PRDM2: variants seen among roughly 807,000 people sequenced by gnomAD.
PRDM2 encodes PR/SET domain 2.
Under a neutral mutation model 130.0 loss-of-function variants are expected in PRDM2, and 30 were observed. That is an observed-to-expected ratio of 0.23 (90% CI 0.17 to 0.31). PRDM2 has a LOEUF of 0.31. PRDM2 is among the 10% of genes least tolerant of loss of function. PRDM2 has a pLI of 1.00. For synonymous variants in PRDM2, 871 were observed against 782.4 expected, an observed-to-expected ratio of 1.11 and a Z score of -1.89; for missense variants, 2,011 against 2,108.4, an observed-to-expected ratio of 0.95 and a Z score of 0.90.
intron 8 of PRDM2, among the ~76,000 whole-genome samples, chr1:13,800,809 C>T (rs915523144): frequency 6.6e-6 from 1 of 152,178 alleles, no homozygotes; most frequent in South Asian, 2.1e-4. Flanking sequence ...GGGGGGGTCT[C>T]CTCTCATAAG....
At chr1:13,703,257 C>T (rs898440102) in intron 1 of PRDM2, among the ~76,000 whole-genome samples, 4 of 152,206 alleles carry the variant, frequency 2.6e-5, no homozygotes, top group African/African-American at 9.6e-5. Context: ...TTGTGGAGGA[C>T]GATCCTGTAC....
chr1:13,770,722 C>T (rs1644341359), intron 6 of PRDM2, among the ~76,000 whole-genome samples: 1 of 152,108 alleles, frequency 6.6e-6, no homozygotes, highest in Non-Finnish European at 1.5e-5. Flanking sequence ...AGGCCACATT[C>T]CTTGGCCTGT....
intron 6 of PRDM2, among the ~76,000 whole-genome samples, chr1:13,770,092 A>T (rs1569953559): frequency 6.6e-6 from 1 of 152,084 alleles, no homozygotes; most frequent in Non-Finnish European, 1.5e-5. Flanking sequence ...CTGTGGCGGG[A>T]TCCCCTCCTT....
intron 5 of PRDM2, among the ~76,000 whole-genome samples, chr1:13,748,433 C>G (rs547185558): frequency 1.3e-5 from 2 of 152,096 alleles, no homozygotes; most frequent in Admixed American, 6.5e-5. Flanking sequence ...TTGTTCATTC[C>G]TTCCTTTCTT....
chr1:13,795,483 G>A (rs550095772), intron 8 of PRDM2, among the ~76,000 whole-genome samples: 3 of 152,310 alleles, frequency 2.0e-5, no homozygotes, highest in Admixed American at 6.5e-5. Context: ...GGATCTAGGC[G>A]TGAGGAGGTA....
chr1:13,714,682 A>G (rs770490352), intron 1 of PRDM2, among the ~76,000 whole-genome samples: 4 of 152,250 alleles, frequency 2.6e-5, no homozygotes, highest in Non-Finnish European at 5.9e-5. Flanking sequence ...CAATGTAAGC[A>G]GAGGCTTGTG....
intron 8 of PRDM2, among the ~76,000 whole-genome samples, chr1:13,792,715 T>C (rs1644859489): frequency 6.6e-6 from 1 of 152,140 alleles, no homozygotes; most frequent in African/African-American, 2.4e-5. Flanking sequence ...CTGGGACTCT[T>C]AGAGGACCCT....
rs145695645 is a variant in PRDM2 at position 13,780,416 on chromosome 1, C to T, written c.2621C>T (p.Thr874Met). 8.7e-6 allele frequency: 14 copies of T among 1,614,164 alleles called. No homozygotes were observed. The highest frequency in any genetic ancestry group is 1.1e-5 in the Non-Finnish European group (13 of 1,180,034). ...EFKESHSVQPTCSAVKKRKPT... is the reference protein window; with the variant it reads ...EFKESHSVQPMCSAVKKRKPT... ...AAAGAAAGTCATTCAGTGCAGCCTA[C>T]GTGTAGTGCTGTAAAGAAAAGGAAA... Residue 874 changes from threonine (T) to methionine (M), a missense_variant, in exon 8 of 10, where the codon ACG becomes ATG. This residue lies in a region of PRDM2 where 1,288 missense variants were observed against 1,237.7 expected (regional missense o/e 1.04). Coordinates refer to ENST00000311066, the MANE Select transcript of PRDM2 (RefSeq NM_001393986.1).
chr1:13,768,636 G>A (rs976927983), intron 6 of PRDM2, among the ~76,000 whole-genome samples: 1 of 149,988 alleles, frequency 6.7e-6, no homozygotes, highest in Non-Finnish European at 1.5e-5. Flanking sequence ...CACCTGCCTC[G>A]GCCTCCCAAA....
intron 8 of PRDM2, chr1:13,787,419 T>C: frequency 1.0e-6 from 1 of 985,022 alleles, no homozygotes; most frequent in Non-Finnish European, 1.2e-6. Context: ...TGCCTCCCCC[T>C]AAATTAATGA....
chr1:13,769,112 G>C lies in PRDM2; in HGVS notation c.512-3966G>C. 3.1e-6 allele frequency: 3 copies of C among 983,484 alleles called. No homozygotes were observed. The South Asian group carries it at 1.4e-4, about 46-fold the overall frequency. The allele number at this position is 983,484 out of a possible 1,614,324, so 60.9% of individuals were successfully genotyped here. A position where few individuals can be genotyped will look rare whatever the true frequency, so the allele number is the denominator to read the frequency against. On this transcript the variant is annotated intron_variant, in intron 6 of 9. Coordinates refer to ENST00000311066, the MANE Select transcript of PRDM2 (RefSeq NM_001393986.1). ...CCCTTGTGTTTCATTCCTCTTTCTT[G>C]TCTAGACCAAGCGGAGCAGCCAGCT...
chr1:13,702,333 G>A (rs1409772594), intron 1 of PRDM2, among the ~76,000 whole-genome samples: 1 of 152,184 alleles, frequency 6.6e-6, no homozygotes, highest in Non-Finnish European at 1.5e-5. Flanking sequence ...TGGGCCGTAA[G>A]TTATCAATCA....
At chr1:13,798,472 T>C (rs1305308658) in intron 8 of PRDM2, among the ~76,000 whole-genome samples, 4 of 74,722 alleles carry the variant, frequency 5.4e-5, no homozygotes, top group African/African-American at 2.8e-4. Context: ...CAGTAACCCA[T>C]AGAGACCAGT....
intron 1 of PRDM2, among the ~76,000 whole-genome samples, chr1:13,704,407 T>C (rs1211300738): frequency 1.3e-5 from 2 of 152,204 alleles, no homozygotes; most frequent in African/African-American, 4.8e-5. Flanking sequence ...GTTCATGTCA[T>C]GCCTATACTG....
chr1:13,814,770 G>T (rs547883485), intron 8 of PRDM2, among the ~76,000 whole-genome samples: 2 of 152,144 alleles, frequency 1.3e-5, no homozygotes, highest in Non-Finnish European at 1.5e-5. Flanking sequence ...TCCTGTTCCC[G>T]CAGGCAGAGC....
intron 2 of PRDM2, chr1:13,722,979 A>G (rs1277225028): frequency 5.1e-6 from 2 of 391,026 alleles, no homozygotes; most frequent in Admixed American, 3.1e-5. Context: ...GTGTCATCCC[A>G]CCGCTCTCTG....
chr1:13,823,833 G>A lies in PRDM2; in HGVS notation c.*698G>A, dbSNP rs1296055396. On this transcript the variant is annotated 3_prime_UTR_variant, in exon 10 of 10. Coordinates refer to ENST00000311066, the MANE Select transcript of PRDM2 (RefSeq NM_001393986.1). ...GAGAACCTCAGATCAGGTGCACCTGGGAGAAAGACTTTGTCCCCACTTACA... is the reference window on the plus strand; with the variant it reads ...GAGAACCTCAGATCAGGTGCACCTGAGAGAAAGACTTTGTCCCCACTTACA... 1 of 152,316 alleles carries A rather than the reference G, an allele frequency of 6.6e-6. No homozygotes were observed. Among genetic ancestry groups the A allele is most frequent in the African/African-American group, 2.4e-5 (1 of 41,410 alleles). 9.4% of individuals were successfully genotyped at this position (152,316 alleles called of 1,614,324 possible).
At chr1:13,776,438 A>T in intron 7 of PRDM2, among the ~76,000 whole-genome samples, 1 of 152,142 alleles carries the variant, frequency 6.6e-6, no homozygotes, top group Non-Finnish European at 1.5e-5. Flanking sequence ...GACCATTCCT[A>T]CTAGCACGAA....
intron 5 of PRDM2, among the ~76,000 whole-genome samples, chr1:13,747,568 G>C (rs2100527057): frequency 6.6e-6 from 1 of 151,990 alleles, no homozygotes; most frequent in South Asian, 2.1e-4. Context: ...CTTAGGGGTG[G>C]GTGAGAGCCA....
Sources: allele counts gnomAD v4.1 joint callset (sites outside exome capture counted in the v4.1 genomes callset), GRCh38; gene constraint gnomAD v4.1.1; regional missense constraint gnomAD v4.1.1; transcripts MANE v1.5; gene names NCBI Gene and HGNC (gene_info 2026-07-23, HGNC 2026-07-21).